The following BAIAP3 variants were observed in gnomAD, a reference collection of about 807,000 sequenced individuals.
BAIAP3 encodes the protein BAI1-associated protein 3.
In BAIAP3, 180 loss-of-function variants were observed where a neutral mutation model predicts 149.7. The ratio of observed to expected loss-of-function variants is 1.20; its 90% CI spans 1.07 to 1.36. The LOEUF (loss-of-function observed/expected upper bound fraction) is 1.36, where lower values mean the gene tolerates loss of function less well. Among genes scored for constraint, BAIAP3 ranks in the 40% most tolerant of loss-of-function variants. The probability of loss-of-function intolerance (pLI) is 0.00; values close to 1 mark genes in which losing one functional copy is unlikely to be tolerated. For synonymous variants in BAIAP3, 845 were observed against 670.7 expected, an observed-to-expected ratio of 1.26 and a Z score of -4.02; for missense variants, 1,767 against 1,563.4, an observed-to-expected ratio of 1.13 and a Z score of -2.20.
rs2034155551 is a variant in BAIAP3 at position 1,344,300 on chromosome 16, A to G, written c.1585A>G (p.Ile529Val). The change falls in exon 17 of 34, where the codon ATT (isoleucine) becomes GTT (valine). Residue 529 changes from isoleucine (I) to valine (V), a missense_variant. By Grantham distance (29) the Ile-to-Val change is conservative. Transcript: ENST00000426824. ...CPFESELNMD[I>V]AAALKRGNRE... ...CTTCGAGTCGGAGCTGAACATGGAC[A>G]TTGCTGCGGCCCTGAAGGTGTGTTC... 2 of 1,613,796 alleles carry G rather than the reference A, an allele frequency of 1.2e-6. No homozygotes were observed. The highest frequency in any genetic ancestry group is 1.7e-6 in the Non-Finnish European group (2 of 1,179,986).
Position 1,348,373 on chromosome 16 carries a change from T to C in BAIAP3, c.3356-6T>C, listed in dbSNP as rs1302635959. ...GCCCCCACACACCTGCCCGCGCTGC[T>C]TGCAGTGAGATCTGCGCTGAGGAGG... On this transcript the variant is annotated splice_polypyrimidine_tract_variant and splice_region_variant and intron_variant, in intron 33 of 33. Coordinates refer to ENST00000426824, the MANE Select transcript of BAIAP3 (RefSeq NM_001199097.2). 1.2e-6 allele frequency: 2 copies of C among 1,611,908 alleles called. No homozygotes were observed. The highest frequency in any genetic ancestry group is 2.7e-5 in the African/African-American group (2 of 74,920).
intron 26 of BAIAP3, 30 bp from the exon 27 acceptor site, chr16:1,346,575 T>TA: frequency 6.4e-7 from 1 of 1,566,928 alleles, no homozygotes; most frequent in Non-Finnish European, 8.6e-7. Context: ...AGGTGCGGGG[T>TA]AAGCCTGGCC....
intron 5 of BAIAP3, 37 bp downstream of exon 5, chr16:1,339,640 C>A: frequency 1.3e-6 from 2 of 1,523,508 alleles, no homozygotes; most frequent in South Asian, 1.2e-5. Flanking sequence ...ACCCTGACAG[C>A]TTCCCCACCT....
intron 1 of BAIAP3, chr16:1,336,320 G>A (rs2033453938): frequency 2.0e-6 from 2 of 985,430 alleles, no homozygotes; most frequent in Non-Finnish European, 2.4e-6. Context: ...GCTTCCAGAA[G>A]CACTGTACCC....
Position 1,339,581 on chromosome 16 carries a change from C to T in BAIAP3, c.386C>T (p.Ala129Val), listed in dbSNP as rs557488567. ...MGPDQVDDEE[A>V]LLSYLQQVFG... ...CCTGACCAGGTGGACGACGAGGAGG[C>T]CCTGCTCAGCTATCTCCAGCAGGTC... Residue 129 changes from alanine (A) to valine (V), a missense_variant, in exon 5 of 34, where the codon GCC (alanine) becomes GTC (valine). Ala to Val is a moderately conservative substitution (Grantham distance 64). Transcript: ENST00000426824. 1 of 1,612,290 alleles carries T rather than the reference C, an allele frequency of 6.2e-7. No individual in the cohort carries two copies. Among genetic ancestry groups the T allele is most frequent in the South Asian group, 1.1e-5 (1 of 90,958 alleles).
rs55700295 is a variant in BAIAP3 at position 1,338,641 on chromosome 16, G to A, written c.92G>A (p.Ser31Asn). 2,908 of 1,596,696 alleles carry A rather than the reference G, an allele frequency of 1.8e-3. 34 individuals are homozygous for A. The African/African-American group carries it at 0.031, about 17-fold the overall frequency. Residue 31 changes from serine (S) to asparagine (N), a missense_variant, in exon 2 of 34, where the codon AGT becomes AAT. Coordinates refer to ENST00000426824, the MANE Select transcript of BAIAP3 (RefSeq NM_001199097.2). ...FRRRTEQDPG[S>N]ASADPQEPAT... ...CGCAGGACTGAGCAGGACCCAGGGA[G>A]TGCCAGCGCCGACCCGCAGGAGCCT...
rs568795397 is a variant in BAIAP3 at position 1,342,910 on chromosome 16, C to A, written c.1162-3C>A. 176 of 1,612,308 alleles carry A rather than the reference C, an allele frequency of 1.1e-4. 2 individuals are homozygous for A. The South Asian group carries it at 1.8e-3, about 16-fold the overall frequency. On this transcript the variant is annotated splice_region_variant and splice_polypyrimidine_tract_variant and intron_variant, in intron 13 of 33. Coordinates refer to ENST00000426824, the MANE Select transcript of BAIAP3 (RefSeq NM_001199097.2). ...TCCACCCACGACAGACCTCCTCCCCCAGCCCAACTCCAGCAGCTGGCGAGG... is the reference window on the plus strand; with the variant it reads ...TCCACCCACGACAGACCTCCTCCCCAAGCCCAACTCCAGCAGCTGGCGAGG...
intron 1 of BAIAP3, chr16:1,336,156 G>A (rs981942385): frequency 2.1e-5 from 20 of 959,904 alleles, no homozygotes; most frequent in African/African-American, 3.5e-5. Flanking sequence ...CGCACATGCC[G>A]CGGCGGTTGC....
At chr16:1,339,013 C>T (rs374032783) in intron 3 of BAIAP3, 24 bp downstream of exon 3, 14 of 1,611,794 alleles carry the variant, frequency 8.7e-6, no homozygotes, top group African/African-American at 5.3e-5. Flanking sequence ...CCCCAGGGCC[C>T]GATACCACAG....
At chr16:1,336,761 C>G (rs1341395343) in intron 1 of BAIAP3, among the ~76,000 whole-genome samples, 3 of 152,194 alleles carry the variant, frequency 2.0e-5, no homozygotes, top group African/African-American at 7.2e-5. Context: ...TCCGTGAGAG[C>G]CTGAGTGGGC....
chr16:1,335,815 C>T (rs2033414334), intron 1 of BAIAP3, among the ~76,000 whole-genome samples: 1 of 152,086 alleles, frequency 6.6e-6, no homozygotes. Flanking sequence ...AGCTGGTTGC[C>T]CCAGGAGCTT....
In BAIAP3 at chr16:1,341,020, G is replaced by A. The variant is rs377730660; in HGVS notation, c.468+39G>A. Reference sequence around the variant, plus strand: ...TGCCTGGGCAGGCACTGACCAGCACGTGCCTGCGTGGCGGGGGCACGGGGC... The same window carrying A: ...TGCCTGGGCAGGCACTGACCAGCACATGCCTGCGTGGCGGGGGCACGGGGC... On this transcript the variant is annotated intron_variant, in intron 6 of 33. Transcript: ENST00000426824. 6.2e-4 allele frequency: 1,003 copies of A among 1,609,246 alleles called. 18 individuals carry two copies. The South Asian group carries it at 0.01, about 16-fold the overall frequency.
At position 1,342,598 on chromosome 16, in the gene BAIAP3, A is replaced by G; in HGVS notation, c.1029A>G (p.Gly343=). 3.2e-6 allele frequency: 5 copies of G among 1,570,222 alleles called. No homozygotes were observed. Among genetic ancestry groups the G allele is most frequent in the Non-Finnish European group, 4.3e-6 (5 of 1,158,432 alleles). The change falls in exon 12 of 34, where the codon GGA becomes GGG. Residue 343 remains glycine, a synonymous_variant. Coordinates refer to ENST00000426824, the MANE Select transcript of BAIAP3 (RefSeq NM_001199097.2). The stretch of plus-strand genomic sequence containing the variant: ...GCTCCAGTGCCTCGCGTGTGCAGGG[A>G]CACTGCCACCTGGTTCTCAAGCTGA... ...EPRSSASRVQ[G]HCHLVLKLIT...
chr16:1,341,304 C>T lies in BAIAP3; in HGVS notation c.546C>T (p.Asp182=), dbSNP rs2033907339. The change falls in exon 8 of 34, where the codon GAC becomes GAT. Residue 182 remains aspartate (D), a synonymous_variant. Transcript: ENST00000426824. Reference sequence around the variant, plus strand: ...GCCTGCCGTGCCCAGGCTTCAGCGACCCATACTGCATGCTGGGCATCCTGC... The same window carrying T: ...GCCTGCCGTGCCCAGGCTTCAGCGATCCATACTGCATGCTGGGCATCCTGC... The part of the protein sequence containing the change: ...LLAKDPNGFS[D]PYCMLGILPA... 9 of 1,610,186 alleles carry T rather than the reference C, an allele frequency of 5.6e-6. No homozygotes were observed. Among genetic ancestry groups the T allele is most frequent in the African/African-American group, 1.3e-5 (1 of 75,014 alleles).
Position 1,348,793 on chromosome 16 carries a change from C to T in BAIAP3, c.*311C>T. 1 of 461,296 alleles carries T rather than the reference C, an allele frequency of 2.2e-6. No homozygotes were observed. Among genetic ancestry groups the T allele is most frequent in the Non-Finnish European group, 3.9e-6 (1 of 253,628 alleles). 28.6% of individuals were successfully genotyped at this position (461,296 alleles called of 1,614,324 possible). A position where few individuals can be genotyped will look rare whatever the true frequency, so the allele number is the denominator to read the frequency against. ...GGGCCTCCCTGCCCGCTTCCTTGGG[C>T]TCCCCGGCCCTGGGTGGGCGGTGGG... On this transcript the variant is annotated 3_prime_UTR_variant, in exon 34 of 34. Coordinates refer to ENST00000426824, the MANE Select transcript of BAIAP3 (RefSeq NM_001199097.2).
At chr16:1,346,824 TG>T (rs2034407915) in intron 27 of BAIAP3, 22 bp from the exon 28 acceptor site, 3 of 1,567,742 alleles carry the variant, frequency 1.9e-6, no homozygotes. Context: ...GGCTGGCCCG[TG>T]GTCACTGATG....
chr16:1,342,452 T>C, intron 11 of BAIAP3, 75 bp from the exon 12 acceptor site: 1 of 1,446,758 alleles, frequency 6.9e-7, no homozygotes, highest in Non-Finnish European at 9.4e-7. Context: ...ATGTGGTCTC[T>C]CCAGGGTCTC....
rs1209986795 is a variant in BAIAP3, at chr16:1,349,417, A to C, written c.*935A>C. On this transcript the variant is annotated 3_prime_UTR_variant, in exon 34 of 34. Coordinates refer to ENST00000426824, the MANE Select transcript of BAIAP3 (RefSeq NM_001199097.2). The stretch of plus-strand genomic sequence containing the variant: ...GATTTTCTCGTCACCCAGCCTCAAA[A>C]ATATATGTGTCTGCAACCCTCAGTC... 2.0e-5 allele frequency: 32 copies of C among 1,613,366 alleles called. No homozygotes were observed. The highest frequency in any genetic ancestry group is 2.5e-5 in the Non-Finnish European group (30 of 1,179,878).
In BAIAP3 at chr16:1,345,272, C is replaced by A; in HGVS notation, c.1964C>A (p.Ala655Asp). ...AGGGACAGCCGCTCTCTGGCCCTGGCTGGCATCCACGCCCCCTTCCTGCCT... is the reference window on the plus strand; with the variant it reads ...AGGGACAGCCGCTCTCTGGCCCTGGATGGCATCCACGCCCCCTTCCTGCCT... ...PGRDSRSLALAGIHAPFLPAV... is the reference protein window; with the variant it reads ...PGRDSRSLALDGIHAPFLPAV... Residue 655 changes from alanine to aspartate, a missense_variant, in exon 22 of 34, where the codon GCT (alanine) becomes GAT (aspartate). Transcript: ENST00000426824. The A allele has an allele frequency of 6.2e-7, 1 of 1,613,110 alleles. No homozygotes were observed. Among genetic ancestry groups the A allele is most frequent in the Non-Finnish European group, 8.5e-7 (1 of 1,179,904 alleles).
Sources: gnomAD v4.1 joint callset for allele counts (sites outside exome capture counted in the v4.1 genomes callset) on GRCh38, gnomAD v4.1.1 for gene constraint, MANE v1.5 for transcripts, NCBI Gene and HGNC (gene_info 2026-07-23, HGNC 2026-07-21) for gene names.